The following NRG3 variants were observed in gnomAD, a reference collection of about 807,000 sequenced individuals.
NRG3 encodes the protein pro-neuregulin-3, membrane-bound isoform.
A neutral mutation model predicts 66.9 loss-of-function variants in NRG3; 31 were observed. The observed-to-expected ratio is 0.46, with a 90% confidence interval of 0.35 to 0.63. The LOEUF (loss-of-function observed/expected upper bound fraction) is 0.63, where lower values mean the gene tolerates loss of function less well. Among genes scored for constraint, NRG3 ranks in the 20% least tolerant of loss-of-function variants. NRG3 has a pLI of 0.00. For synonymous variants in NRG3, 393 were observed against 359.4 expected, an observed-to-expected ratio of 1.09 and a Z score of -1.06; for missense variants, 910 against 878.9, an observed-to-expected ratio of 1.04 and a Z score of -0.45.
At chr10:82,915,751 A>G (rs1373769891) in intron 4 of NRG3, among the ~76,000 whole-genome samples, 1 of 152,138 alleles carries the variant, frequency 6.6e-6, no homozygotes, top group Non-Finnish European at 1.5e-5. Flanking sequence ...CATGAAGTCC[A>G]TTTTAGGTTG....
chr10:82,841,392 A>G (rs2063050606), intron 3 of NRG3, among the ~76,000 whole-genome samples: 2 of 152,354 alleles, frequency 1.3e-5, no homozygotes, highest in Admixed American at 6.5e-5. Flanking sequence ...CTAGAGAAAC[A>G]GAAGAAATAT....
At chr10:82,959,311 C>T (rs560272019) in intron 6 of NRG3, among the ~76,000 whole-genome samples, 28 of 152,258 alleles carry the variant, frequency 1.8e-4, no homozygotes, top group African/African-American at 6.5e-4. Context: ...AAACTAATCT[C>T]TAGTAAAAAT....
Position 82,522,137 on chromosome 10 carries a change from G to A in NRG3, c.953+163269G>A, listed in dbSNP as rs577942973. 2.8e-4 allele frequency among the ~76,000 whole-genome samples: 41 copies of A among 147,998 alleles called. No homozygotes were observed. The South Asian group carries it at 4.1e-3, about 15-fold the overall frequency. On this transcript the variant is annotated intron_variant, in intron 2 of 8. Coordinates refer to ENST00000372141, the MANE Select transcript of NRG3 (RefSeq NM_001010848.4). ...CTGCTCACTGCAACCTCCACCCACC[G>A]GGTTCAAGTGATTCTCCTGCCTCAG...
chr10:82,733,715 T>G (rs2058029138), intron 2 of NRG3, among the ~76,000 whole-genome samples: 1 of 152,230 alleles, frequency 6.6e-6, no homozygotes, highest in Admixed American at 6.5e-5. Context: ...TTGCTTGTTT[T>G]TGTATCTGTC....
chr10:81,914,016 C>T (rs931106773), intron 1 of NRG3, among the ~76,000 whole-genome samples: 1 of 152,304 alleles, frequency 6.6e-6, no homozygotes, highest in South Asian at 2.1e-4. Context: ...TGCACACTCT[C>T]TAAGGCGGGC....
intron 1 of NRG3, among the ~76,000 whole-genome samples, chr10:82,074,541 C>T (rs898572523): frequency 1.3e-5 from 2 of 152,058 alleles, no homozygotes; most frequent in African/African-American, 4.8e-5. Flanking sequence ...CCATAGCAGG[C>T]TAGACAAAAG....
intron 1 of NRG3, among the ~76,000 whole-genome samples, chr10:82,111,638 T>G (rs2067392605): frequency 6.6e-6 from 1 of 152,126 alleles, no homozygotes; most frequent in Admixed American, 6.6e-5. Context: ...AGCTGTGAAT[T>G]TACCTACCAC....
intron 1 of NRG3, among the ~76,000 whole-genome samples, chr10:81,957,145 G>A (rs901592871): frequency 2.6e-5 from 4 of 152,128 alleles, no homozygotes; most frequent in Admixed American, 1.3e-4. Flanking sequence ...AGCCCTAGGT[G>A]ATGGCAAAAC....
chr10:82,681,371 G>A lies in NRG3; in HGVS notation c.954-57206G>A, dbSNP rs576102121. Among the ~76,000 whole-genome samples the A allele has an allele frequency of 2.6e-4, 40 of 152,236 alleles. No individual in the cohort carries two copies. The South Asian group carries it at 7.5e-3, about 28-fold the overall frequency. ...TAATGTCAATTGAAACAATTAATGT[G>A]AAATACCTAATATGCTGAGATTCTC... is the stretch of plus-strand genomic sequence containing the variant. On this transcript the variant is annotated intron_variant, in intron 2 of 8. Transcript: ENST00000372141.
In NRG3 at chr10:81,875,733, C is replaced by A. The variant is rs774608618; in HGVS notation, c.393C>A (p.Thr131=). The part of the protein sequence containing the change: ...FPKAMETTTT[T]TSTTSPATPS... ...AGGCCATGGAGACCACCACCACTAC[C>A]ACTTCCACCACGTCCCCCGCCACCC... The change falls in exon 1 of 9, where the codon ACC becomes ACA. Residue 131 remains threonine (T), a synonymous_variant. Transcript: ENST00000372141. This position sits in a 1 kb window ranked among gnomAD's most constrained non-coding sequence, Gnocchi z 5.3. 5 of 1,613,118 alleles carry A rather than the reference C, an allele frequency of 3.1e-6. No individual in the cohort carries two copies. The African/African-American group carries it at 5.3e-5, about 17-fold the overall frequency.
intron 2 of NRG3, among the ~76,000 whole-genome samples, chr10:82,505,976 C>T (rs753624454): frequency 2.0e-5 from 3 of 152,288 alleles, no homozygotes; most frequent in Admixed American, 1.3e-4. Context: ...GGGCCAGGCG[C>T]GTGGCTCACG....
At chr10:81,910,802 C>T (rs1354383990) in intron 1 of NRG3, among the ~76,000 whole-genome samples, 1 of 152,018 alleles carries the variant, frequency 6.6e-6, no homozygotes, top group Non-Finnish European at 1.5e-5. Context: ...CAGATGCATG[C>T]CACCATGCCC....
intron 4 of NRG3, among the ~76,000 whole-genome samples, chr10:82,877,537 CTTTTTTTTTTTT>C (rs61471998): frequency 4.0e-5 from 3 of 74,942 alleles, no homozygotes; most frequent in African/African-American, 1.7e-4. Context: ...CCACACCCGG[CTTTTTTTTTTTT>C]TTTTTTTTTT....
intron 2 of NRG3, among the ~76,000 whole-genome samples, chr10:82,723,729 C>T (rs1437296565): frequency 6.6e-6 from 1 of 152,076 alleles, no homozygotes; most frequent in Non-Finnish European, 1.5e-5. Flanking sequence ...CCTGTAATCC[C>T]AGCACTTTGG....
intron 2 of NRG3, among the ~76,000 whole-genome samples, chr10:82,552,374 C>T (rs533827319): frequency 6.6e-6 from 1 of 151,988 alleles, no homozygotes; most frequent in African/African-American, 2.4e-5. Context: ...TTTAAACTTA[C>T]TTATTTGATG....
At chr10:82,503,752 A>G (rs1313638871) in intron 2 of NRG3, among the ~76,000 whole-genome samples, 1 of 152,150 alleles carries the variant, frequency 6.6e-6, no homozygotes. Context: ...ACCCAGTACT[A>G]AACATTTAAT....
chr10:81,909,139 G>A (rs1428308542), intron 1 of NRG3, among the ~76,000 whole-genome samples: 1 of 152,158 alleles, frequency 6.6e-6, no homozygotes, highest in Non-Finnish European at 1.5e-5. Context: ...GGCAATCCTT[G>A]GCATTCCTTG....
intron 1 of NRG3, among the ~76,000 whole-genome samples, chr10:81,909,090 A>T (rs1383156934): frequency 6.6e-6 from 1 of 152,172 alleles, no homozygotes; most frequent in Non-Finnish European, 1.5e-5. Flanking sequence ...GCTCTAGGGA[A>T]TAATTCTTTC....
intron 1 of NRG3, among the ~76,000 whole-genome samples, chr10:82,217,603 T>A (rs1317871114): frequency 6.6e-6 from 1 of 152,218 alleles, no homozygotes. Context: ...TCTCGTAGAA[T>A]TATTGTGATA....
Sources: allele counts gnomAD v4.1 joint callset (sites outside exome capture counted in the v4.1 genomes callset), GRCh38; gene constraint gnomAD v4.1.1; non-coding constraint Gnocchi (gnomAD v3.1); transcripts MANE v1.5; gene names NCBI Gene and HGNC (gene_info 2026-07-23, HGNC 2026-07-21).